The following PPP2R2A variants were observed in gnomAD, a reference collection of about 807,000 sequenced individuals.
PPP2R2A encodes serine/threonine-protein phosphatase 2A 55 kDa regulatory subunit B alpha isoform.
In PPP2R2A, 9 loss-of-function variants were observed where a neutral mutation model predicts 53.2. That is an observed-to-expected ratio of 0.17 (90% CI 0.10 to 0.30). The LOEUF (loss-of-function observed/expected upper bound fraction) is 0.30, where lower values mean the gene tolerates loss of function less well. PPP2R2A is among the 10% of genes least tolerant of loss of function. PPP2R2A has a pLI of 1.00. For missense variants in PPP2R2A, 235 were observed against 534.6 expected, an observed-to-expected ratio of 0.44 and a Z score of 5.53; for synonymous variants, 169 against 174.2, an observed-to-expected ratio of 0.97 and a Z score of 0.23.
Position 26,294,688 on chromosome 8 carries a change from T to C in PPP2R2A, c.82+948T>C, listed in dbSNP as rs144261426. On this transcript the variant is annotated intron_variant, in intron 2 of 9. Transcript: ENST00000380737. Reference sequence around the variant, plus strand: ...CTAGATTGTGTTGTCCTCATATTTCTGACCTGTCTGTAGGGTACTGTTTGT... The same window carrying C: ...CTAGATTGTGTTGTCCTCATATTTCCGACCTGTCTGTAGGGTACTGTTTGT... Among the ~76,000 whole-genome samples the C allele has an allele frequency of 1.4e-3, 219 of 152,346 alleles. 1 individual carries two copies. In the Middle Eastern group the frequency reaches 0.024, roughly 17 times the overall value.
At chr8:26,333,761 T>G (rs1269645589) in intron 2 of PPP2R2A, among the ~76,000 whole-genome samples, 2 of 152,148 alleles carry the variant, frequency 1.3e-5, no homozygotes, top group Non-Finnish European at 2.9e-5. Flanking sequence ...AGAAGATAGG[T>G]GGCAATAAGG....
intron 2 of PPP2R2A, among the ~76,000 whole-genome samples, chr8:26,334,313 T>C (rs965276637): frequency 1.3e-5 from 2 of 152,170 alleles, no homozygotes; most frequent in East Asian, 1.9e-4. Context: ...TCAACTGATA[T>C]ACTATACTAA....
chr8:26,303,661 C>G (rs1477023379), intron 2 of PPP2R2A, among the ~76,000 whole-genome samples: 1 of 152,046 alleles, frequency 6.6e-6, no homozygotes, highest in African/African-American at 2.4e-5. Context: ...TTAATATTTT[C>G]AGTATTTTTG....
intron 3 of PPP2R2A, among the ~76,000 whole-genome samples, chr8:26,343,463 C>T (rs1001148880): frequency 1.3e-5 from 2 of 151,610 alleles, no homozygotes; most frequent in African/African-American, 2.4e-5. Context: ...CCTCCACCAC[C>T]AGGGTTAAAG....
At chr8:26,343,994 C>A (rs1418352138) in intron 3 of PPP2R2A, among the ~76,000 whole-genome samples, 1 of 152,154 alleles carries the variant, frequency 6.6e-6, no homozygotes, top group African/African-American at 2.4e-5. Flanking sequence ...CAATTTTTAA[C>A]CCCTGGTAGT....
At chr8:26,291,894 T>A in intron 1 of PPP2R2A, 68 bp downstream of exon 1, 1 of 1,551,474 alleles carries the variant, frequency 6.4e-7, no homozygotes, top group Non-Finnish European at 8.7e-7. Flanking sequence ...CATCACCCCC[T>A]AGCGACCGCC....
At position 26,302,391 on chromosome 8, in the gene PPP2R2A, A is replaced by G. The variant is rs1434524564; in HGVS notation, c.82+8651A>G. On this transcript the variant is annotated intron_variant, in intron 2 of 9. Coordinates refer to ENST00000380737, the MANE Select transcript of PPP2R2A (RefSeq NM_002717.4). ...TCATATTAACGAATGTGATTTTTTG[A>G]TACTATGTAATGTGTTAACATTTGG... 2.6e-5 allele frequency among the ~76,000 whole-genome samples: 4 copies of G among 152,354 alleles called. No homozygotes were observed. The East Asian group carries it at 7.7e-4, about 29-fold the overall frequency.
At chr8:26,297,398 G>A (rs1480216027) in intron 2 of PPP2R2A, among the ~76,000 whole-genome samples, 1 of 152,108 alleles carries the variant, frequency 6.6e-6, no homozygotes, top group Non-Finnish European at 1.5e-5. Flanking sequence ...GTGAGCCACC[G>A]GCCACAAAAT....
intron 2 of PPP2R2A, among the ~76,000 whole-genome samples, chr8:26,298,862 C>T (rs183002582): frequency 9.9e-5 from 15 of 152,098 alleles, no homozygotes; most frequent in Admixed American, 3.3e-4. Context: ...TTCTTAAAGT[C>T]GAACAGTAAG....
In PPP2R2A at chr8:26,311,236, T is replaced by C. The variant is rs188683754; in HGVS notation, c.82+17496T>C. 1.6e-4 allele frequency among the ~76,000 whole-genome samples: 24 copies of C among 152,322 alleles called. No homozygotes were observed. In the East Asian group the frequency reaches 3.9e-3, roughly 25 times the overall value. On this transcript the variant is annotated intron_variant, in intron 2 of 9. Transcript: ENST00000380737. The stretch of plus-strand genomic sequence containing the variant: ...CCTCAGAACATTTAATTGATGTAGT[T>C]ATTTTTCTATCTGATACCCAATTAA...
At chr8:26,341,264 A>G (rs1479503691) in intron 3 of PPP2R2A, among the ~76,000 whole-genome samples, 1 of 152,142 alleles carries the variant, frequency 6.6e-6, no homozygotes, top group Non-Finnish European at 1.5e-5. Flanking sequence ...AATTTTCTAC[A>G]TTTTAAAGCC....
intron 1 of PPP2R2A, among the ~76,000 whole-genome samples, chr8:26,292,723 G>A (rs78643236): frequency 7.2e-5 from 11 of 152,258 alleles, no homozygotes; most frequent in African/African-American, 2.2e-4. Context: ...GTACATGTTG[G>A]TATTGCTAAA....
intron 2 of PPP2R2A, among the ~76,000 whole-genome samples, chr8:26,323,656 T>G (rs34397710): frequency 0.029 from 4,422 of 152,294 alleles, 99 homozygotes; most frequent in African/African-American, 0.059. Context: ...CATGAAGAGA[T>G]ATGTAGGACA....
chr8:26,318,830 C>G (rs1385418803), intron 2 of PPP2R2A, among the ~76,000 whole-genome samples: 1 of 152,082 alleles, frequency 6.6e-6, no homozygotes, highest in Admixed American at 6.5e-5. Context: ...TGCCTTGGGA[C>G]TTTTTATGTG....
rs922330963 is a variant in PPP2R2A, at chr8:26,366,193, G to A, written c.973-122G>A. The A allele has an allele frequency of 1.9e-5, 14 of 723,380 alleles. No homozygotes were observed. In the African/African-American group the frequency reaches 2.4e-4, roughly 13 times the overall value. 44.8% of individuals were successfully genotyped at this position (723,380 alleles called of 1,614,324 possible). ...CCTTTATTGTTACTGAGAAGATTGAGATTAATAGGTTTAAAAGGTGTGTGT... is the reference window on the plus strand; with the variant it reads ...CCTTTATTGTTACTGAGAAGATTGAAATTAATAGGTTTAAAAGGTGTGTGT... On this transcript the variant is annotated intron_variant, in intron 8 of 9. Coordinates refer to ENST00000380737, the MANE Select transcript of PPP2R2A (RefSeq NM_002717.4).
intron 6 of PPP2R2A, among the ~76,000 whole-genome samples, chr8:26,361,595 C>CGG: frequency 6.6e-6 from 1 of 151,578 alleles, no homozygotes; most frequent in Non-Finnish European, 1.5e-5. Context: ...GACAGAGCAA[C>CGG]ACCCTGTCTC....
Position 26,354,670 on chromosome 8 carries a change from G to T in PPP2R2A, c.346+37G>T, listed in dbSNP as rs200126340. 2.7e-6 allele frequency: 4 copies of T among 1,487,070 alleles called. No individual in the cohort carries two copies. The East Asian group carries it at 9.4e-5, about 35-fold the overall frequency. 92.1% of individuals were successfully genotyped at this position (1,487,070 alleles called of 1,614,324 possible). A position where few individuals can be genotyped will look rare whatever the true frequency, so the allele number is the denominator to read the frequency against. On this transcript the variant is annotated intron_variant, in intron 4 of 9. Coordinates refer to ENST00000380737, the MANE Select transcript of PPP2R2A (RefSeq NM_002717.4). The surrounding 1 kb of genome is among the most constrained non-coding windows in gnomAD (Gnocchi z 4.6). ...TATTTTCTTTCCATGTGCCCACTGT[G>T]TGTACCTGTTGCACATATCCTGTAG...
In PPP2R2A at chr8:26,360,303, G is replaced by A. The variant is rs769085833; in HGVS notation, c.459+22G>A. 7.2e-7 allele frequency: 1 copy of A among 1,391,802 alleles called. No homozygotes were observed. Among genetic ancestry groups the A allele is most frequent in the Non-Finnish European group, 1.0e-6 (1 of 993,776 alleles). The allele number at this position is 1,391,802 out of a possible 1,614,324, so 86.2% of individuals were successfully genotyped here. A position where few individuals can be genotyped will look rare whatever the true frequency, so the allele number is the denominator to read the frequency against. ...ACGAGTAAGTACATAAGAAAAAAATGTCACAGATAGTGCTTGTATTCATAT... is the reference window on the plus strand; with the variant it reads ...ACGAGTAAGTACATAAGAAAAAAATATCACAGATAGTGCTTGTATTCATAT... On this transcript the variant is annotated intron_variant, in intron 5 of 9. Coordinates refer to ENST00000380737, the MANE Select transcript of PPP2R2A (RefSeq NM_002717.4). This position sits in a 1 kb window ranked among gnomAD's most constrained non-coding sequence, Gnocchi z 4.5.
intron 9 of PPP2R2A, among the ~76,000 whole-genome samples, chr8:26,369,611 C>G (rs1471874675): frequency 6.6e-6 from 1 of 152,194 alleles, no homozygotes; most frequent in East Asian, 1.9e-4. Flanking sequence ...CCAGAATGGT[C>G]TCGATCTCCT....
Sources: gnomAD v4.1 joint callset for allele counts (sites outside exome capture counted in the v4.1 genomes callset) on GRCh38, gnomAD v4.1.1 for gene constraint, Gnocchi (gnomAD v3.1) non-coding constraint, MANE v1.5 for transcripts, NCBI Gene and HGNC (gene_info 2026-07-23, HGNC 2026-07-21) for gene names.